TXNDC12: variants seen among roughly 807,000 people sequenced by gnomAD.
TXNDC12 encodes thioredoxin domain containing 12.
In TXNDC12, 22 loss-of-function variants were observed where a neutral mutation model predicts 24.2. That is an observed-to-expected ratio of 0.91 (90% CI 0.65 to 1.30). The LOEUF (loss-of-function observed/expected upper bound fraction) is 1.30. TXNDC12 is among the 50% of genes most tolerant of loss of function. The pLI, the probability that TXNDC12 is intolerant of heterozygous loss-of-function variation, is 0.00. For synonymous variants in TXNDC12, 58 were observed against 73.4 expected (o/e 0.79, Z 1.07); for missense variants, 184 against 205.8 (o/e 0.89, Z 0.65).
At chr1:52,032,959 C>T in intron 2 of TXNDC12, 15 of 1,587,482 alleles carry the variant, frequency 9.4e-6, no homozygotes, top group Non-Finnish European at 1.2e-5. Flanking sequence ...CAGAAAGCTG[C>T]CGGAGGCGAG....
intron 3 of TXNDC12, among the ~76,000 whole-genome samples, chr1:52,028,017 G>T (rs1482266377): frequency 6.6e-6 from 1 of 151,826 alleles, no homozygotes; most frequent in African/African-American, 2.4e-5. Flanking sequence ...TAGTAGAGGC[G>T]GGGTTTCACT....
chr1:52,027,393 C>A, intron 3 of TXNDC12, 45 bp from the exon 4 acceptor site: 2 of 1,341,998 alleles, frequency 1.5e-6, no homozygotes, highest in South Asian at 2.4e-5. Context: ...ACATCATTGT[C>A]ACAACTAAAC....
At chr1:52,025,406 G>A (rs1244537218) in intron 4 of TXNDC12, among the ~76,000 whole-genome samples, 1 of 152,038 alleles carries the variant, frequency 6.6e-6, no homozygotes, top group Non-Finnish European at 1.5e-5. Context: ...TTTTAGTAGA[G>A]ACGGGGTTTC....
chr1:52,035,509 C>T (rs1370286311), intron 2 of TXNDC12, among the ~76,000 whole-genome samples: 1 of 152,056 alleles, frequency 6.6e-6, no homozygotes, highest in Non-Finnish European at 1.5e-5. Context: ...GAGCTCGAGA[C>T]CAGTCTGGCC....
At chr1:52,053,099 C>CAA (rs35268359) in intron 1 of TXNDC12, among the ~76,000 whole-genome samples, 25,808 of 143,994 alleles carry the variant, frequency 0.18, 3,535 homozygotes, top group African/African-American at 0.39. Context: ...CAAAAAAATA[C>CAA]AAAAAAAAAA....
At chr1:52,046,368 T>C (rs1409012722) in intron 1 of TXNDC12, among the ~76,000 whole-genome samples, 2 of 151,964 alleles carry the variant, frequency 1.3e-5, no homozygotes, top group Non-Finnish European at 2.9e-5. Flanking sequence ...AAGATACCAA[T>C]AGGTTCTGGA....
intron 4 of TXNDC12, among the ~76,000 whole-genome samples, chr1:52,025,048 T>C (rs1213270607): frequency 1.3e-5 from 2 of 152,216 alleles, no homozygotes; most frequent in Non-Finnish European, 2.9e-5. Context: ...CACTAGCATG[T>C]TATTTCAACG....
At chr1:52,045,088 G>A (rs1686066065) in intron 1 of TXNDC12, among the ~76,000 whole-genome samples, 1 of 152,074 alleles carries the variant, frequency 6.6e-6, no homozygotes, top group Admixed American at 6.6e-5. Flanking sequence ...TAAAAGGAAA[G>A]GAGTAATCAA....
At chr1:52,032,642 A>G in intron 2 of TXNDC12, 1 of 1,532,482 alleles carries the variant, frequency 6.5e-7, no homozygotes, top group Non-Finnish European at 8.7e-7. Flanking sequence ...TTTTTCCCAG[A>G]GAAATAAAGT....
At chr1:52,033,417 C>T (rs1490439117) in intron 2 of TXNDC12, 6 of 1,451,218 alleles carry the variant, frequency 4.1e-6, no homozygotes, top group Admixed American at 1.8e-5. Context: ...CCTGAGGTCC[C>T]GCGATCGGGC....
At chr1:52,042,166 GTTA>G (rs1201137170) in intron 1 of TXNDC12, among the ~76,000 whole-genome samples, 3 of 152,100 alleles carry the variant, frequency 2.0e-5, no homozygotes, top group South Asian at 4.1e-4. Flanking sequence ...TAAAGCTATT[GTTA>G]TTATTATTCC....
chr1:52,053,099 C>CAAAA (rs35268359), intron 1 of TXNDC12, among the ~76,000 whole-genome samples: 223 of 144,124 alleles, frequency 1.5e-3, no homozygotes, highest in Middle Eastern at 7.2e-3. Flanking sequence ...CAAAAAAATA[C>CAAAA]AAAAAAAAAA....
intron 2 of TXNDC12, among the ~76,000 whole-genome samples, chr1:52,038,875 A>G (rs905145420): frequency 1.4e-5 from 2 of 147,338 alleles, no homozygotes; most frequent in Non-Finnish European, 3.0e-5. Flanking sequence ...TGACAACTTC[A>G]TGAATTTTCT....
chr1:52,033,830 G>C (rs895335014), intron 2 of TXNDC12: 4 of 1,471,870 alleles, frequency 2.7e-6, no homozygotes, highest in Non-Finnish European at 3.6e-6. Context: ...TCCGACGTAA[G>C]CCGGAAGTGC....
At chr1:52,022,855 G>T (rs1371034826) in intron 6 of TXNDC12, among the ~76,000 whole-genome samples, 1 of 152,004 alleles carries the variant, frequency 6.6e-6, no homozygotes, top group Non-Finnish European at 1.5e-5. Context: ...TAGCCAGGAT[G>T]GTCTCAATCT....
At chr1:52,055,390 A>C (rs2783188), upstream of TXNDC12, 3 of 381,502 alleles carry the variant, frequency 7.9e-6, no homozygotes, top group Non-Finnish European at 5.0e-6. Context: ...GGAGCGGGAA[A>C]ATGTAGGCCA....
At chr1:52,053,172 A>T (rs1413581028) in intron 1 of TXNDC12, among the ~76,000 whole-genome samples, 1 of 151,612 alleles carries the variant, frequency 6.6e-6, no homozygotes, top group Admixed American at 6.6e-5. Context: ...CTGAGGCAGG[A>T]GAATCATTTG....
At chr1:52,021,968 G>C (rs910474709) in intron 6 of TXNDC12, among the ~76,000 whole-genome samples, 4 of 152,148 alleles carry the variant, frequency 2.6e-5, no homozygotes, top group African/African-American at 9.7e-5. Context: ...GTGGTAACTT[G>C]GATGAAATTC....
intron 2 of TXNDC12, chr1:52,032,631 A>ATT: frequency 6.5e-7 from 1 of 1,530,130 alleles, no homozygotes; most frequent in Non-Finnish European, 8.8e-7. Context: ...CCTGCAGCCT[A>ATT]TTTTTCCCAG....
Sources: allele counts gnomAD v4.1 joint callset (sites outside exome capture counted in the v4.1 genomes callset), GRCh38; gene constraint gnomAD v4.1.1; transcripts MANE v1.5; gene names NCBI Gene and HGNC (gene_info 2026-07-23, HGNC 2026-07-21).